The following RBFOX1 variants were observed in gnomAD, a reference collection of about 807,000 sequenced individuals.
RBFOX1 encodes the protein RNA binding fox-1 homolog 1, also known as RNA binding protein fox-1 homolog 1.
A neutral mutation model predicts 57.7 loss-of-function variants in RBFOX1; 8 were observed. The ratio of observed to expected loss-of-function variants is 0.14; its 90% CI spans 0.08 to 0.25. RBFOX1 has a LOEUF of 0.25. Among genes scored for constraint, RBFOX1 ranks in the 10% least tolerant of loss-of-function variants. The pLI is 1.00. For synonymous variants in RBFOX1, 326 were observed against 222.4 expected, an observed-to-expected ratio of 1.47 and a Z score of -4.15; for missense variants, 611 against 548.5, an observed-to-expected ratio of 1.11 and a Z score of -1.14.
chr16:5,558,922 T>C (rs1181527040), intron 2 of RBFOX1, among the ~76,000 whole-genome samples: 2 of 152,078 alleles, frequency 1.3e-5, no homozygotes, highest in Admixed American at 6.5e-5. Context: ...ACCCCTTAGA[T>C]ATGGAATCCA....
At chr16:7,029,776 T>G (rs1470590032) in intron 3 of RBFOX1, among the ~76,000 whole-genome samples, 1 of 152,216 alleles carries the variant, frequency 6.6e-6, no homozygotes, top group African/African-American at 2.4e-5. Flanking sequence ...TAAAGTCCCA[T>G]GTGATCTGAT....
chr16:5,961,248 C>T (rs2059742166), intron 4 of RBFOX1, among the ~76,000 whole-genome samples: 1 of 152,046 alleles, frequency 6.6e-6, no homozygotes, highest in Non-Finnish European at 1.5e-5. Context: ...GCATGCTGAA[C>T]ATTTTACATT....
At chr16:7,506,540 C>G (rs972508307) in intron 4 of RBFOX1, among the ~76,000 whole-genome samples, 2 of 152,064 alleles carry the variant, frequency 1.3e-5, no homozygotes, top group African/African-American at 4.8e-5. Flanking sequence ...TTCCTCGTTA[C>G]CAGACATCGT....
chr16:6,394,180 C>T (rs1047398150), intron 2 of RBFOX1, among the ~76,000 whole-genome samples: 19 of 152,168 alleles, frequency 1.2e-4, no homozygotes, highest in African/African-American at 3.6e-4. Context: ...GAGTTCAAAT[C>T]GGGCTCAGAA....
At chr16:6,827,431 G>C (rs1567437097) in intron 3 of RBFOX1, among the ~76,000 whole-genome samples, 1 of 151,232 alleles carries the variant, frequency 6.6e-6, no homozygotes, top group Non-Finnish European at 1.5e-5. Context: ...AGAGAAGTTT[G>C]GTCAATTGAT....
intron 3 of RBFOX1, among the ~76,000 whole-genome samples, chr16:6,783,411 G>A (rs1603623068): frequency 8.0e-6 from 1 of 124,814 alleles, no homozygotes; most frequent in Non-Finnish European, 1.7e-5. Context: ...CCTGTTAAAG[G>A]TTTTTGCTTT....
intron 4 of RBFOX1, among the ~76,000 whole-genome samples, chr16:7,404,721 C>CA (rs1337991735): frequency 3.3e-5 from 5 of 151,244 alleles, no homozygotes; most frequent in African/African-American, 7.3e-5. Flanking sequence ...AACAAACAAA[C>CA]AAACAAAACC....
At chr16:6,656,951 T>C (rs1225992090) in intron 3 of RBFOX1, among the ~76,000 whole-genome samples, 80 of 102,320 alleles carry the variant, frequency 7.8e-4, no homozygotes, top group Non-Finnish European at 1.1e-3. Flanking sequence ...CCCTTTCCTC[T>C]CCTCCCCTTT....
intron 1 of RBFOX1, among the ~76,000 whole-genome samples, chr16:5,246,001 T>A (rs1172521483): frequency 6.6e-6 from 1 of 152,056 alleles, no homozygotes; most frequent in Non-Finnish European, 1.5e-5. Context: ...ACCAGCACTT[T>A]GGGAGGCCGA....
chr16:6,779,595 T>C (rs1426804473), intron 3 of RBFOX1, among the ~76,000 whole-genome samples: 1 of 148,370 alleles, frequency 6.7e-6, no homozygotes, highest in African/African-American at 2.5e-5. Context: ...CTCCATACTA[T>C]TCTCCAGAGT....
chr16:6,417,552 G>C (rs140774472), intron 2 of RBFOX1, among the ~76,000 whole-genome samples: 1 of 150,792 alleles, frequency 6.6e-6, no homozygotes, highest in Non-Finnish European at 1.5e-5. Flanking sequence ...ACCATGCCTG[G>C]CTAGTTTTTA....
intron 3 of RBFOX1, among the ~76,000 whole-genome samples, chr16:6,875,254 C>A (rs939593575): frequency 6.6e-6 from 1 of 152,172 alleles, no homozygotes; most frequent in Admixed American, 6.5e-5. Context: ...ATTTCAGTAT[C>A]TCTGAAGACT....
At chr16:6,408,741 T>G (rs1322841055) in intron 2 of RBFOX1, among the ~76,000 whole-genome samples, 1 of 152,146 alleles carries the variant, frequency 6.6e-6, no homozygotes, top group Non-Finnish European at 1.5e-5. Context: ...TTAGGAAAAT[T>G]GAATTCACAG....
intron 3 of RBFOX1, among the ~76,000 whole-genome samples, chr16:5,843,887 A>T (rs1350170467): frequency 2.0e-5 from 3 of 152,204 alleles, no homozygotes; most frequent in Admixed American, 6.5e-5. Flanking sequence ...AAGCTCCAAC[A>T]AGCGCACCTG....
intron 2 of RBFOX1, among the ~76,000 whole-genome samples, chr16:6,640,047 A>G (rs919491723): frequency 6.6e-6 from 1 of 152,188 alleles, no homozygotes; most frequent in African/African-American, 2.4e-5. Flanking sequence ...TACAGAAACT[A>G]AAGAACAGAT....
rs964229344 is a variant in RBFOX1, at chr16:5,369,610, C to T, written c.220-97606C>T. Among the ~76,000 whole-genome samples, 6 of 152,300 alleles carry T rather than the reference C, an allele frequency of 3.9e-5. No homozygotes were observed. In the South Asian group the frequency reaches 8.3e-4, roughly 21 times the overall value. ...GCCCCACACGCTCCTGAGCAGCGGT[C>T]GAGCTGCCTCCTCTGCTATGCTGGG... On this transcript the variant is annotated intron_variant, in intron 1 of 2. Coordinates refer to the RBFOX1 transcript ENST00000585867.
intron 1 of RBFOX1, among the ~76,000 whole-genome samples, chr16:5,436,341 G>A (rs1488047960): frequency 6.6e-6 from 1 of 152,206 alleles, no homozygotes; most frequent in African/African-American, 2.4e-5. Flanking sequence ...GATTAGTTCA[G>A]GGGCTACAGA....
At chr16:6,673,696 A>G (rs977245153) in intron 3 of RBFOX1, among the ~76,000 whole-genome samples, 5 of 152,170 alleles carry the variant, frequency 3.3e-5, no homozygotes, top group Non-Finnish European at 4.4e-5. Flanking sequence ...GGGTTCTGTG[A>G]CCCATGTGCC....
intron 3 of RBFOX1, among the ~76,000 whole-genome samples, chr16:5,685,304 C>T (rs755698961): frequency 1.3e-5 from 2 of 152,092 alleles, no homozygotes; most frequent in Non-Finnish European, 2.9e-5. Context: ...AAGTTTATAC[C>T]TCTCCCACCT....
Sources: allele counts gnomAD v4.1 joint callset (sites outside exome capture counted in the v4.1 genomes callset), GRCh38; gene constraint gnomAD v4.1.1; transcripts MANE v1.5; gene names NCBI Gene and HGNC (gene_info 2026-07-23, HGNC 2026-07-21).